LRRC7: variants seen among roughly 807,000 people sequenced by gnomAD.
LRRC7 encodes leucine-rich repeat-containing protein 7.
Under a neutral mutation model 175.7 loss-of-function variants are expected in LRRC7, and 23 were observed. The ratio of observed to expected loss-of-function variants is 0.13; its 90% CI spans 0.09 to 0.19. LRRC7 has a LOEUF of 0.19. Ranked by LOEUF, LRRC7 falls within the 10% of genes least tolerant of loss-of-function variation. LRRC7 has a pLI of 1.00. For synonymous variants in LRRC7, 685 were observed against 680.9 expected (o/e 1.01, Z -0.09); for missense variants, 1,354 against 1,904.7 (o/e 0.71, Z 5.38).
At position 69,662,432 on chromosome 1, in the gene LRRC7, G is replaced by A. The variant is rs543461561; in HGVS notation, c.3-15949G>A. On this transcript the variant is annotated intron_variant, in intron 1 of 26. Coordinates refer to ENST00000651989, the MANE Select transcript of LRRC7 (RefSeq NM_001370785.2). Reference sequence around the variant, plus strand: ...TTGTGTTTGCTATTTTCCTAAATGCGTGACATGGCAATGCACAAACAAGTT... The same window carrying A: ...TTGTGTTTGCTATTTTCCTAAATGCATGACATGGCAATGCACAAACAAGTT... Among the ~76,000 whole-genome samples the A allele has an allele frequency of 2.0e-3, 301 of 152,212 alleles. 1 individual carries two copies. Among genetic ancestry groups the A allele is most frequent in the Non-Finnish European group, 3.5e-3 (235 of 68,004 alleles).
chr1:69,977,286 A>G, intron 8 of LRRC7, among the ~76,000 whole-genome samples: 1 of 152,142 alleles, frequency 6.6e-6, no homozygotes, highest in East Asian at 1.9e-4. Flanking sequence ...TATATACAGA[A>G]CACCAATCTG....
rs538923702 is a variant in LRRC7 at position 69,713,062 on chromosome 1, G to A, written c.100+34584G>A. ...GATTACAGACAACAAGAATGTAATAGTTTATTTTTAAGATATCACTTTCAT... is the reference window on the plus strand; with the variant it reads ...GATTACAGACAACAAGAATGTAATAATTTATTTTTAAGATATCACTTTCAT... On this transcript the variant is annotated intron_variant, in intron 2 of 26. Coordinates refer to ENST00000651989, the MANE Select transcript of LRRC7 (RefSeq NM_001370785.2). Among the ~76,000 whole-genome samples the A allele has an allele frequency of 2.6e-5, 4 of 152,210 alleles. No individual in the cohort carries two copies. In the South Asian group the frequency reaches 6.2e-4, roughly 24 times the overall value.
intron 8 of LRRC7, among the ~76,000 whole-genome samples, chr1:69,976,383 G>C (rs1461471123): frequency 3.9e-5 from 6 of 152,158 alleles, no homozygotes; most frequent in Admixed American, 6.5e-5. Flanking sequence ...TTTTCTGCCT[G>C]CTTTATATTC....
intron 8 of LRRC7, among the ~76,000 whole-genome samples, chr1:69,953,726 G>C (rs920420856): frequency 6.6e-6 from 1 of 152,008 alleles, no homozygotes; most frequent in African/African-American, 2.4e-5. Context: ...GGAGCTCCTT[G>C]AAGAGCACTC....
intron 23 of LRRC7, among the ~76,000 whole-genome samples, chr1:70,060,232 G>A (rs756236638): frequency 2.0e-5 from 3 of 152,052 alleles, no homozygotes; most frequent in Non-Finnish European, 4.4e-5. Flanking sequence ...GATGAGGCAT[G>A]AGAATCACTT....
rs1169554947 is a variant in LRRC7, at chr1:70,128,044, T to C, written c.*6157T>C. Among the ~76,000 whole-genome samples the C allele has an allele frequency of 6.6e-6, 1 of 152,074 alleles. No individual in the cohort carries two copies. Among genetic ancestry groups the C allele is most frequent in the African/African-American group, 2.4e-5 (1 of 41,418 alleles). On this transcript the variant is annotated 3_prime_UTR_variant, in exon 27 of 27. Transcript: ENST00000651989. ...TAGCGCTATCTTGGCTCACTGTAAC[T>C]TCCACCTCCCGAGTTCAGGCAATTC...
In LRRC7 at chr1:70,038,549, T is replaced by C. The variant is rs370745125; in HGVS notation, c.2725T>C (p.Leu909=). 5.0e-6 allele frequency: 8 copies of C among 1,613,934 alleles called. No individual in the cohort carries two copies. In the East Asian group the frequency reaches 8.9e-5, roughly 18 times the overall value. The stretch of plus-strand genomic sequence containing the variant: ...AGAGACAACCCCCACTACCAGCCCA[T>C]TGCCTGAAAGGAAAGAACATATAAA... ...KLETTPTTSP[L]PERKEHIKES... is the part of the protein sequence containing the mutation. The change falls in exon 21 of 27, where the codon TTG becomes CTG. Residue 909 remains leucine (L), a synonymous_variant. Transcript: ENST00000651989.
intron 7 of LRRC7, among the ~76,000 whole-genome samples, chr1:69,903,040 CA>C (rs1646183292): frequency 1.3e-5 from 2 of 152,106 alleles, no homozygotes; most frequent in African/African-American, 4.8e-5. Context: ...TTCCAAATGC[CA>C]ATTGATAATA....
intron 2 of LRRC7, among the ~76,000 whole-genome samples, chr1:69,725,085 T>C (rs1404197483): frequency 6.6e-6 from 1 of 152,132 alleles, no homozygotes; most frequent in Non-Finnish European, 1.5e-5. Context: ...ATGTTTTATA[T>C]ATATATGTAT....
chr1:69,717,853 G>GAAAGGAAA (rs1309359434), intron 2 of LRRC7, among the ~76,000 whole-genome samples: 286 of 15,630 alleles, frequency 0.018, 27 homozygotes, highest in African/African-American at 0.035. Flanking sequence ...AAGAAAGAAA[G>GAAAGGAAA]GAAAGAAAGA....
chr1:69,698,479 T>C (rs371398973), intron 2 of LRRC7, among the ~76,000 whole-genome samples: 13 of 152,368 alleles, frequency 8.5e-5, no homozygotes, highest in East Asian at 7.7e-4. Context: ...ATTAACTAAA[T>C]GAATAAGAAG....
At chr1:69,602,940 T>C (rs760161784) in intron 1 of LRRC7, among the ~76,000 whole-genome samples, 1 of 152,244 alleles carries the variant, frequency 6.6e-6, no homozygotes, top group Non-Finnish European at 1.5e-5. Flanking sequence ...ATTTATAGCC[T>C]AGGTGTGTAG....
chr1:69,709,007 C>T (rs924080691), intron 2 of LRRC7, among the ~76,000 whole-genome samples: 10 of 152,138 alleles, frequency 6.6e-5, no homozygotes, highest in Admixed American at 2.0e-4. Flanking sequence ...AAATATTATC[C>T]GATCTACTAC....
chr1:70,052,776 T>C (rs1483742836), intron 22 of LRRC7, among the ~76,000 whole-genome samples: 1 of 152,200 alleles, frequency 6.6e-6, no homozygotes, highest in Non-Finnish European at 1.5e-5. Flanking sequence ...GTAAATAATC[T>C]AAATTTTTCC....
Position 69,858,133 on chromosome 1 carries a change from T to C in LRRC7, c.647+19850T>C, listed in dbSNP as rs571023990. On this transcript the variant is annotated intron_variant, in intron 7 of 26. Coordinates refer to ENST00000651989, the MANE Select transcript of LRRC7 (RefSeq NM_001370785.2). ...ATTCCAGATGGATTAAAGACTTAAA[T>C]GTTAGACCTAAAACCATAAAAACCC... Among the ~76,000 whole-genome samples, 5 of 152,256 alleles carry C rather than the reference T, an allele frequency of 3.3e-5. No homozygotes were observed. In the East Asian group the frequency reaches 7.7e-4, roughly 24 times the overall value.
chr1:69,905,607 A>G (rs902352523), intron 7 of LRRC7, among the ~76,000 whole-genome samples: 2 of 152,170 alleles, frequency 1.3e-5, no homozygotes, highest in Non-Finnish European at 2.9e-5. Context: ...TTATGGCTGC[A>G]TAGTATTCCG....
At chr1:70,034,833 G>C (rs1056692604) in intron 18 of LRRC7, among the ~76,000 whole-genome samples, 1 of 152,126 alleles carries the variant, frequency 6.6e-6, no homozygotes, top group Non-Finnish European at 1.5e-5. Flanking sequence ...GATATACCCA[G>C]GTTTTTCAGG....
chr1:69,746,055 T>C (rs1333251280), intron 2 of LRRC7, among the ~76,000 whole-genome samples: 3 of 151,934 alleles, frequency 2.0e-5, no homozygotes, highest in Admixed American at 1.3e-4. Context: ...CACCCAAATA[T>C]ATTTCACATG....
rs142706972 is a variant in LRRC7 at position 69,813,691 on chromosome 1, A to G, written c.422-12057A>G. On this transcript the variant is annotated intron_variant, in intron 4 of 26. Coordinates refer to ENST00000651989, the MANE Select transcript of LRRC7 (RefSeq NM_001370785.2). ...CTTACTGTAAATGGTTGTTCAGCCT[A>G]GGTTTGAATATAACCTAAATATAAT... Among the ~76,000 whole-genome samples, 9 of 152,296 alleles carry G rather than the reference A, an allele frequency of 5.9e-5. No homozygotes were observed. The East Asian group carries it at 1.7e-3, about 29-fold the overall frequency.
Sources: allele counts gnomAD v4.1 joint callset (sites outside exome capture counted in the v4.1 genomes callset), GRCh38; gene constraint gnomAD v4.1.1; transcripts MANE v1.5; gene names NCBI Gene and HGNC (gene_info 2026-07-23, HGNC 2026-07-21).